Variants in MYT1L observed in about 807,000 individuals in gnomAD.
MYT1L encodes myelin transcription factor 1 like.
A neutral mutation model predicts 126.7 loss-of-function variants in MYT1L; 12 were observed. That is an observed-to-expected ratio of 0.09 (90% CI 0.06 to 0.15). MYT1L has a LOEUF of 0.15. Ranked by LOEUF, MYT1L falls within the 10% of genes least tolerant of loss-of-function variation. The pLI is 1.00. For missense variants in MYT1L, 979 were observed against 1,585.2 expected, an observed-to-expected ratio of 0.62 and a Z score of 6.49; for synonymous variants, 541 against 604.2, an observed-to-expected ratio of 0.90 and a Z score of 1.53.
intron 3 of MYT1L, among the ~76,000 whole-genome samples, chr2:2,157,220 T>G (rs539506524): frequency 8.3e-4 from 127 of 152,338 alleles, no homozygotes; most frequent in Middle Eastern, 3.4e-3. Flanking sequence ...CTGTAAAATA[T>G]AATGAAATCA....
In MYT1L at chr2:1,934,295, T is replaced by G. The variant is rs571041401; in HGVS notation, c.505+8687A>C. 7.6e-5 allele frequency among the ~76,000 whole-genome samples: 11 copies of G among 145,002 alleles called. 1 individual carries two copies. Among genetic ancestry groups the G allele is most frequent in the Non-Finnish European group, 1.4e-4 (9 of 66,134 alleles). ...GCCTGATTTTGATTTTTATAACATA[T>G]ATATATATATATACAACCTCATATA... is the stretch of plus-strand genomic sequence containing the variant. On this transcript the variant is annotated intron_variant, in intron 9 of 24. Transcript: ENST00000647738.
intron 5 of MYT1L, among the ~76,000 whole-genome samples, chr2:1,982,973 T>C (rs909296081): frequency 3.9e-5 from 6 of 152,238 alleles, no homozygotes; most frequent in Non-Finnish European, 5.9e-5. Flanking sequence ...AGGATAAGAA[T>C]TGTTTTATTT....
At chr2:1,821,365 G>A (rs1262722777) in intron 21 of MYT1L, among the ~76,000 whole-genome samples, 1 of 151,352 alleles carries the variant, frequency 6.6e-6, no homozygotes, top group African/African-American at 2.4e-5. Context: ...TAATTTATGG[G>A]ACATTACCTC....
At chr2:2,091,316 C>G (rs2076897534) in intron 3 of MYT1L, among the ~76,000 whole-genome samples, 1 of 152,210 alleles carries the variant, frequency 6.6e-6, no homozygotes, top group Non-Finnish European at 1.5e-5. Context: ...ACATCCCCAT[C>G]AGAGCTCTTG....
chr2:1,873,172 C>T (rs939678585), intron 18 of MYT1L, among the ~76,000 whole-genome samples: 1 of 152,180 alleles, frequency 6.6e-6, no homozygotes, highest in Non-Finnish European at 1.5e-5. Flanking sequence ...CAAATGTTTC[C>T]AGGCCTTTAA....
intron 21 of MYT1L, among the ~76,000 whole-genome samples, chr2:1,820,380 T>C (rs2038358967): frequency 6.6e-6 from 1 of 152,220 alleles, no homozygotes; most frequent in Non-Finnish European, 1.5e-5. Flanking sequence ...CACTCCAGGT[T>C]CTCAAAATTT....
At chr2:2,169,718 G>A (rs965100913) in intron 3 of MYT1L, among the ~76,000 whole-genome samples, 10 of 152,076 alleles carry the variant, frequency 6.6e-5, no homozygotes, top group Non-Finnish European at 8.8e-5. Context: ...CACCCCACCC[G>A]GTTGTGTGGC....
At chr2:2,301,773 G>T (rs2095789869) in intron 1 of MYT1L, among the ~76,000 whole-genome samples, 1 of 149,472 alleles carries the variant, frequency 6.7e-6, no homozygotes, top group Non-Finnish European at 1.5e-5. Flanking sequence ...GCTGCAGTGA[G>T]CTACGTTTGC....
At chr2:2,046,254 T>C (rs1049397387) in intron 4 of MYT1L, among the ~76,000 whole-genome samples, 13 of 152,318 alleles carry the variant, frequency 8.5e-5, no homozygotes, top group Admixed American at 8.5e-4. Context: ...ATGCTTTTTA[T>C]AATACACAAA....
At chr2:2,210,727 A>G (rs1419534221) in intron 2 of MYT1L, among the ~76,000 whole-genome samples, 1 of 152,108 alleles carries the variant, frequency 6.6e-6, no homozygotes, top group Admixed American at 6.6e-5. Flanking sequence ...TTGTGGTTAC[A>G]TATTAATTTT....
chr2:2,217,685 C>CAAAAAAAAAAAAAAAAAAAAAAAAAA (rs1167910803), intron 2 of MYT1L, among the ~76,000 whole-genome samples: 3 of 79,634 alleles, frequency 3.8e-5, no homozygotes, highest in African/African-American at 6.9e-5. Flanking sequence ...ACAACAACAA[C>CAAAAAAAAAAAAAAAAAAAAAAAAAA]AACAACAACA....
chr2:1,827,770 C>G (rs2039559022), intron 21 of MYT1L: 1 of 152,164 alleles, frequency 6.6e-6, no homozygotes, highest in Non-Finnish European at 1.5e-5. Flanking sequence ...AGGACCCCTC[C>G]CCTCCACACA....
intron 1 of MYT1L, among the ~76,000 whole-genome samples, chr2:2,320,532 T>TG (rs1406938242): frequency 7.2e-6 from 1 of 138,794 alleles, no homozygotes; most frequent in Non-Finnish European, 1.6e-5. Flanking sequence ...CCTTGGAGGG[T>TG]GGGGGAGACA....
At chr2:1,886,667 A>G in intron 17 of MYT1L, 60 bp from the exon 18 acceptor site, 2 of 1,200,036 alleles carry the variant, frequency 1.7e-6, no homozygotes, top group Non-Finnish European at 2.3e-6. Context: ...CTCCCAAACA[A>G]ACACAACATA....
rs943022631 is a variant in MYT1L at position 1,989,890 on chromosome 2, C to G, written c.-1+7301G>C. 2.0e-5 allele frequency among the ~76,000 whole-genome samples: 3 copies of G among 152,116 alleles called. No homozygotes were observed. The East Asian group carries it at 5.8e-4, about 29-fold the overall frequency. ...GCGGGTGTCTGTAATCCCAGCTACTCTGGAGGCTGAGACAGGAGAATTGCT... is the reference window on the plus strand; with the variant it reads ...GCGGGTGTCTGTAATCCCAGCTACTGTGGAGGCTGAGACAGGAGAATTGCT... On this transcript the variant is annotated intron_variant, in intron 5 of 24. Coordinates refer to ENST00000647738, the MANE Select transcript of MYT1L (RefSeq NM_001303052.2).
chr2:1,932,651 G>A (rs186065488), intron 9 of MYT1L, among the ~76,000 whole-genome samples: 42 of 152,316 alleles, frequency 2.8e-4, no homozygotes, highest in African/African-American at 9.4e-4. Context: ...CGGACAGTAC[G>A]TGGGATGGGG....
In MYT1L at chr2:1,793,211, C is replaced by T. The variant is rs1033000491; in HGVS notation, c.3277-747G>A. On this transcript the variant is annotated intron_variant, in intron 23 of 24. Coordinates refer to ENST00000647738, the MANE Select transcript of MYT1L (RefSeq NM_001303052.2). The surrounding 1 kb of genome is among the most constrained non-coding windows in gnomAD (Gnocchi z 4.6). ...CATTTCTCTAAGGAAAAAGGCCCAC[C>T]ACGGACCCTTCCTCGCATATTCCAG... Among the ~76,000 whole-genome samples, 3 of 152,190 alleles carry T rather than the reference C, an allele frequency of 2.0e-5. No individual in the cohort carries two copies. Among genetic ancestry groups the T allele is most frequent in the African/African-American group, 7.2e-5 (3 of 41,430 alleles).
chr2:1,801,022 G>T lies in MYT1L; in HGVS notation c.3276+674C>A, dbSNP rs938179741. Among the ~76,000 whole-genome samples, 72 of 152,198 alleles carry T rather than the reference G, an allele frequency of 4.7e-4. No homozygotes were observed. The highest frequency in any genetic ancestry group is 6.3e-4 in the Non-Finnish European group (43 of 68,046). ...CGGCGGGACCCTAACACAGCAAGGT[G>T]GGGGATGCCAGGCACAAGGCTCATG... is the stretch of plus-strand genomic sequence containing the variant. On this transcript the variant is annotated intron_variant, in intron 23 of 24. Coordinates refer to ENST00000647738, the MANE Select transcript of MYT1L (RefSeq NM_001303052.2). The surrounding 1 kb of genome is among the most constrained non-coding windows in gnomAD (Gnocchi z 4.2).
intron 4 of MYT1L, among the ~76,000 whole-genome samples, chr2:2,018,710 CCT>C (rs1379806637): frequency 6.6e-6 from 1 of 152,208 alleles, no homozygotes; most frequent in African/African-American, 2.4e-5. Context: ...TGGACTGTGT[CCT>C]CTCCACTTGG....
Sources: allele counts gnomAD v4.1 joint callset (sites outside exome capture counted in the v4.1 genomes callset), GRCh38; gene constraint gnomAD v4.1.1; non-coding constraint Gnocchi (gnomAD v3.1); transcripts MANE v1.5; gene names NCBI Gene and HGNC (gene_info 2026-07-23, HGNC 2026-07-21).